The following DENND1A variants were observed in gnomAD, a reference collection of about 807,000 sequenced individuals.
DENND1A encodes the protein DENN domain containing 1A.
DENND1A carries 51 observed loss-of-function variants against 113.7 expected under a neutral mutation model. That is an observed-to-expected ratio of 0.45 (90% CI 0.36 to 0.57). DENND1A has a LOEUF of 0.57. DENND1A is among the 20% of genes least tolerant of loss of function. DENND1A has a pLI of 0.00. For missense variants in DENND1A, 1,258 were observed against 1,395.9 expected (o/e 0.90, Z 1.57); for synonymous variants, 565 against 570.8 (o/e 0.99, Z 0.14).
rs543802621 is a variant in DENND1A at position 123,643,245 on chromosome 9, A to G, written c.618+8768T>C. Among the ~76,000 whole-genome samples, 4 of 152,282 alleles carry G rather than the reference A, an allele frequency of 2.6e-5. No individual in the cohort carries two copies. The East Asian group carries it at 7.7e-4, about 29-fold the overall frequency. ...CGCAGTTAGGAAGAAACTGACAGAG[A>G]GAGGGTGCCAGTTTATTTTTTTTGT... On this transcript the variant is annotated intron_variant, in intron 9 of 23. Coordinates refer to ENST00000394215, the MANE Select transcript of DENND1A (RefSeq NM_001352964.2).
intron 11 of DENND1A, among the ~76,000 whole-genome samples, chr9:123,607,478 C>T (rs1309271421): frequency 7.1e-5 from 8 of 112,396 alleles, no homozygotes; most frequent in Non-Finnish European, 5.5e-5. Context: ...GAGAGAGACA[C>T]AGAGAGAGAG....
chr9:123,799,552 G>A (rs575865992), intron 2 of DENND1A, among the ~76,000 whole-genome samples: 4 of 152,256 alleles, frequency 2.6e-5, no homozygotes, highest in South Asian at 2.1e-4. Context: ...AAGGTTCCAC[G>A]AAGAAGTAGT....
intron 18 of DENND1A, among the ~76,000 whole-genome samples, chr9:123,450,250 A>G (rs962578979): frequency 3.3e-5 from 5 of 152,084 alleles, no homozygotes; most frequent in Admixed American, 2.0e-4. Context: ...CCCACCCCCT[A>G]TGCTGTGTCT....
intron 3 of DENND1A, among the ~76,000 whole-genome samples, chr9:123,774,825 A>G (rs1830236812): frequency 1.3e-5 from 2 of 152,150 alleles, no homozygotes; most frequent in Admixed American, 6.5e-5. Context: ...AATATAATAA[A>G]TTCATCATAC....
intron 21 of DENND1A, among the ~76,000 whole-genome samples, chr9:123,402,832 G>A (rs1328773579): frequency 3.3e-5 from 5 of 152,108 alleles, no homozygotes; most frequent in Admixed American, 1.3e-4. Context: ...TCTACCCCAC[G>A]CCTCCTGAGC....
At chr9:123,791,373 GATAAA>G (rs1396330285) in intron 3 of DENND1A, among the ~76,000 whole-genome samples, 1 of 152,068 alleles carries the variant, frequency 6.6e-6, no homozygotes, top group Non-Finnish European at 1.5e-5. Context: ...AGAAATTTAA[GATAAA>G]ATAAAAATTT....
chr9:123,911,928 T>G (rs1327640951), intron 1 of DENND1A, among the ~76,000 whole-genome samples: 1 of 152,024 alleles, frequency 6.6e-6, no homozygotes, highest in Non-Finnish European at 1.5e-5. Context: ...TCTCCTGACC[T>G]CATGATCCGC....
chr9:123,531,344 G>A (rs992489991), intron 13 of DENND1A, among the ~76,000 whole-genome samples: 4 of 151,886 alleles, frequency 2.6e-5, no homozygotes, highest in Non-Finnish European at 5.9e-5. Flanking sequence ...GCCTTCCTTA[G>A]TTTTTTACAT....
chr9:123,927,866 C>G (rs1050804783), intron 1 of DENND1A, among the ~76,000 whole-genome samples: 41 of 152,306 alleles, frequency 2.7e-4, no homozygotes, highest in Non-Finnish European at 4.7e-4. Context: ...TCTGTCTTCT[C>G]CAACAACTAG....
At chr9:123,667,104 T>G in intron 7 of DENND1A, 25 bp from the exon 8 acceptor site, 1 of 1,583,824 alleles carries the variant, frequency 6.3e-7, no homozygotes, top group Non-Finnish European at 8.6e-7. Flanking sequence ...CAAAAGTGAT[T>G]TATTTCTGCT....
intron 19 of DENND1A, among the ~76,000 whole-genome samples, chr9:123,437,128 T>C (rs1029000979): frequency 7.2e-5 from 11 of 152,168 alleles, no homozygotes; most frequent in African/African-American, 2.7e-4. Flanking sequence ...TCTTTATCCC[T>C]CTGATTGGGC....
chr9:123,780,865 T>C (rs1372170224), intron 3 of DENND1A, among the ~76,000 whole-genome samples: 1 of 152,164 alleles, frequency 6.6e-6, no homozygotes, highest in Non-Finnish European at 1.5e-5. Context: ...GCAACTACTA[T>C]GTGTCAGGTC....
In DENND1A at chr9:123,449,533, C is replaced by CAAA. The variant is rs34903069; in HGVS notation, c.1356+1157_1356+1159dup. On this transcript the variant is annotated intron_variant, in intron 18 of 23. Transcript: ENST00000394215. The stretch of plus-strand genomic sequence containing the variant: ...ATGGCAACACAGTGAGACTCCGTCT[C>CAAA]AAAAAAAAAAAAAAAAGGTGGCAAC... Among the ~76,000 whole-genome samples the CAAA allele has an allele frequency of 1.2e-4, 9 of 72,644 alleles. No homozygotes were observed. In the East Asian group the frequency reaches 1.3e-3, roughly 10 times the overall value. 47.7% of individuals were successfully genotyped at this position (72,644 alleles called of 152,430 possible).
intron 16 of DENND1A, among the ~76,000 whole-genome samples, chr9:123,453,696 G>A (rs996820063): frequency 2.0e-5 from 3 of 152,106 alleles, no homozygotes; most frequent in South Asian, 2.1e-4. Context: ...TGTAATTATC[G>A]GTCTTAACTT....
At chr9:123,741,594 G>A (rs996499584) in intron 5 of DENND1A, among the ~76,000 whole-genome samples, 1 of 152,134 alleles carries the variant, frequency 6.6e-6, no homozygotes, top group African/African-American at 2.4e-5. Flanking sequence ...CCTTCCTTAG[G>A]GTTCTTTTGA....
intron 13 of DENND1A, among the ~76,000 whole-genome samples, chr9:123,482,159 G>A (rs532612609): frequency 4.6e-5 from 7 of 152,244 alleles, no homozygotes; most frequent in East Asian, 3.9e-4. Flanking sequence ...GCGCAGTGGC[G>A]CGATCTTGGT....
chr9:123,408,838 T>C (rs2044089609), intron 20 of DENND1A, among the ~76,000 whole-genome samples: 1 of 152,246 alleles, frequency 6.6e-6, no homozygotes, highest in South Asian at 2.1e-4. Context: ...CAGAGTCCAC[T>C]GTAGCTGTCT....
chr9:123,386,178 T>A (rs1213710943), intron 22 of DENND1A, among the ~76,000 whole-genome samples: 1 of 152,224 alleles, frequency 6.6e-6, no homozygotes, highest in Non-Finnish European at 1.5e-5. Context: ...ACATTTCTTA[T>A]GCTAAAGGTT....
chr9:123,639,032 TGAG>T (rs1361596366), intron 9 of DENND1A, among the ~76,000 whole-genome samples: 1 of 69,150 alleles, frequency 1.4e-5, no homozygotes, highest in Non-Finnish European at 2.6e-5. Flanking sequence ...TAAATTTGCA[TGAG>T]TAGTAAAAAA....
Sources: allele counts gnomAD v4.1 joint callset (sites outside exome capture counted in the v4.1 genomes callset), GRCh38; gene constraint gnomAD v4.1.1; transcripts MANE v1.5; gene names NCBI Gene and HGNC (gene_info 2026-07-23, HGNC 2026-07-21).